Variants in GPHN observed in about 807,000 individuals in gnomAD.
GPHN encodes gephyrin.
Under a neutral mutation model 95.5 loss-of-function variants are expected in GPHN, and 17 were observed. That is an observed-to-expected ratio of 0.18 (90% CI 0.12 to 0.27). The LOEUF (loss-of-function observed/expected upper bound fraction) is 0.27. Among genes scored for constraint, GPHN ranks in the 10% least tolerant of loss-of-function variants. The probability of loss-of-function intolerance (pLI) is 1.00; values close to 1 mark genes in which losing one functional copy is unlikely to be tolerated. For missense variants in GPHN, 660 were observed against 978.1 expected (o/e 0.67, Z 4.34); for synonymous variants, 320 against 322.5 (o/e 0.99, Z 0.08).
intron 3 of GPHN, among the ~76,000 whole-genome samples, chr14:66,811,683 C>G (rs974439430): frequency 1.3e-5 from 2 of 152,106 alleles, no homozygotes; most frequent in African/African-American, 4.8e-5. Context: ...TACATATAGT[C>G]ATCCATTTTT....
intron 21 of GPHN, among the ~76,000 whole-genome samples, chr14:67,177,071 A>G (rs1859163648): frequency 6.6e-6 from 1 of 152,000 alleles, no homozygotes; most frequent in African/African-American, 2.4e-5. Flanking sequence ...TTGTGTCTCT[A>G]TCTCCATCAG....
the GPHN span, chr14:67,714,494 G>A: frequency 1.3e-5 from 2 of 152,690 alleles, no homozygotes; most frequent in Non-Finnish European, 2.9e-5. Context: ...TTATTAAAAA[G>A]AGTTCCCTAG....
the GPHN span, among the ~76,000 whole-genome samples, chr14:67,444,331 G>A: frequency 6.6e-6 from 1 of 152,174 alleles, no homozygotes; most frequent in Non-Finnish European, 1.5e-5. Context: ...GATTTTTGGA[G>A]TTCACAGAAA....
intron 8 of GPHN, among the ~76,000 whole-genome samples, chr14:66,964,663 A>G (rs1356174309): frequency 6.6e-6 from 1 of 152,170 alleles, no homozygotes; most frequent in South Asian, 2.1e-4. Flanking sequence ...CCAACCTTTG[A>G]TGATCTGGTA....
the GPHN span, among the ~76,000 whole-genome samples, chr14:67,478,527 A>G: frequency 6.6e-6 from 1 of 152,146 alleles, no homozygotes; most frequent in Non-Finnish European, 1.5e-5. Flanking sequence ...AAAAAACGCA[A>G]CCTTTCTAAA....
chr14:66,521,141 A>G (rs943769201), intron 1 of GPHN, among the ~76,000 whole-genome samples: 1 of 152,164 alleles, frequency 6.6e-6, no homozygotes, highest in Non-Finnish European at 1.5e-5. Context: ...TGTCTTTGCT[A>G]TTATGAATAG....
At chr14:67,206,944 G>A in the GPHN span, among the ~76,000 whole-genome samples, 2 of 152,078 alleles carry the variant, frequency 1.3e-5, no homozygotes, top group Middle Eastern at 3.4e-3. Flanking sequence ...TGCCCAAGCT[G>A]GTCTCAAACT....
Position 66,530,770 on chromosome 14 carries a change from C to T in GPHN, c.64+22179C>T, listed in dbSNP as rs200044706. 2.3e-3 allele frequency among the ~76,000 whole-genome samples: 352 copies of T among 152,126 alleles called. 1 individual carries two copies. The East Asian group carries it at 0.031, about 13-fold the overall frequency. On this transcript the variant is annotated intron_variant, in intron 1 of 22. Coordinates refer to ENST00000478722, the MANE Select transcript of GPHN (RefSeq NM_020806.5). ...GGCAATGCCCCACCCTGCTTCTGCTCGCCCTCTGTGGGCTGCAACCACTGT... is the reference window on the plus strand; with the variant it reads ...GGCAATGCCCCACCCTGCTTCTGCTTGCCCTCTGTGGGCTGCAACCACTGT...
chr14:67,341,562 G>C, the GPHN span, among the ~76,000 whole-genome samples: 1 of 149,444 alleles, frequency 6.7e-6, no homozygotes, highest in Non-Finnish European at 1.5e-5. Flanking sequence ...GGAGGGAGGT[G>C]GGGGGGTCAG....
intron 1 of GPHN, among the ~76,000 whole-genome samples, chr14:66,575,630 G>C (rs1419975012): frequency 6.6e-6 from 1 of 152,128 alleles, no homozygotes; most frequent in African/African-American, 2.4e-5. Context: ...GAGCTCATAG[G>C]AGCCTGCCGG....
intron 2 of GPHN, among the ~76,000 whole-genome samples, chr14:66,682,056 A>G (rs1359683577): frequency 1.3e-5 from 2 of 152,224 alleles, no homozygotes; most frequent in East Asian, 1.9e-4. Flanking sequence ...ACACAAGAAT[A>G]TCTTGAACTT....
the GPHN span, among the ~76,000 whole-genome samples, chr14:67,582,933 A>G: frequency 1.3e-5 from 2 of 152,184 alleles, no homozygotes; most frequent in African/African-American, 2.4e-5. This position sits in a 1 kb window ranked among gnomAD's most constrained non-coding sequence, Gnocchi z 5.0. Flanking sequence ...CATGTAATGT[A>G]TGTGGTAAAC....
At chr14:66,920,610 A>G (rs970408686) in intron 6 of GPHN, among the ~76,000 whole-genome samples, 47 of 142,284 alleles carry the variant, frequency 3.3e-4, no homozygotes, top group African/African-American at 1.1e-3. Flanking sequence ...TTATTTTTCC[A>G]TAAGTTATTG....
intron 17 of GPHN, among the ~76,000 whole-genome samples, chr14:67,124,472 T>A (rs2079185867): frequency 6.6e-6 from 1 of 152,180 alleles, no homozygotes; most frequent in African/African-American, 2.4e-5. Context: ...AGCCAGTTAT[T>A]TGAATTTGGG....
chr14:67,373,448 G>T, the GPHN span, among the ~76,000 whole-genome samples: 1 of 152,166 alleles, frequency 6.6e-6, no homozygotes, highest in African/African-American at 2.4e-5. Context: ...GACAAAATTT[G>T]TCACCCATTC....
At chr14:66,562,339 A>C (rs527684218) in intron 1 of GPHN, among the ~76,000 whole-genome samples, 55 of 152,292 alleles carry the variant, frequency 3.6e-4, no homozygotes, top group African/African-American at 1.3e-3. Context: ...TACCACAGAA[A>C]ATAAGTTTGT....
At chr14:67,526,588 ATAGTT>A in the GPHN span, among the ~76,000 whole-genome samples, 3 of 152,216 alleles carry the variant, frequency 2.0e-5, no homozygotes, top group Admixed American at 6.5e-5. Flanking sequence ...AAAAATATGC[ATAGTT>A]TAAAGTCTCC....
At chr14:66,740,746 ATT>A (rs1470401749) in intron 2 of GPHN, among the ~76,000 whole-genome samples, 2 of 152,186 alleles carry the variant, frequency 1.3e-5, no homozygotes, top group East Asian at 3.8e-4. Context: ...TTAGTGGAAA[ATT>A]TATAAAGAGT....
chr14:66,839,295 A>G (rs1362917927), intron 4 of GPHN, among the ~76,000 whole-genome samples: 2 of 152,240 alleles, frequency 1.3e-5, no homozygotes, highest in African/African-American at 2.4e-5. Flanking sequence ...TTGATATACA[A>G]AGAAATAAAT....
Sources: allele counts gnomAD v4.1 joint callset (sites outside exome capture counted in the v4.1 genomes callset), GRCh38; gene constraint gnomAD v4.1.1; non-coding constraint Gnocchi (gnomAD v3.1); transcripts MANE v1.5; gene names NCBI Gene and HGNC (gene_info 2026-07-23, HGNC 2026-07-21).